CDH12: variants seen among roughly 807,000 people sequenced by gnomAD.
CDH12 encodes cadherin 12.
In CDH12, 41 loss-of-function variants were observed where a neutral mutation model predicts 74.1. The observed-to-expected ratio is 0.55, with a 90% CI of 0.43 to 0.72. CDH12 has a LOEUF of 0.72. Among genes scored for constraint, CDH12 ranks in the 30% least tolerant of loss-of-function variants. The probability of loss-of-function intolerance (pLI) is 0.00; values close to 1 mark genes in which losing one functional copy is unlikely to be tolerated. For synonymous variants in CDH12, 399 were observed against 355.0 expected (o/e 1.12, Z -1.39); for missense variants, 945 against 977.2 (o/e 0.97, Z 0.44).
chr5:21,755,954 C>G (rs1043256196), intron 13 of CDH12, 112 bp from the exon 14 acceptor site: 25 of 999,146 alleles, frequency 2.5e-5, no homozygotes, highest in Non-Finnish European at 3.7e-5. Flanking sequence ...AAAATGGATT[C>G]TTATTTTTTT....
intron 1 of CDH12, among the ~76,000 whole-genome samples, chr5:22,573,943 G>A (rs1376323068): frequency 1.3e-5 from 2 of 152,072 alleles, no homozygotes; most frequent in East Asian, 3.9e-4. Flanking sequence ...CACGCTAAAT[G>A]GTGTTGAACA....
intron 1 of CDH12, among the ~76,000 whole-genome samples, chr5:22,599,141 C>T (rs962652118): frequency 6.6e-6 from 1 of 152,178 alleles, no homozygotes; most frequent in Non-Finnish European, 1.5e-5. Flanking sequence ...GCATATCCTA[C>T]ACCTATATAT....
At chr5:22,841,168 G>A (rs911448145) in intron 1 of CDH12, among the ~76,000 whole-genome samples, 6 of 152,258 alleles carry the variant, frequency 3.9e-5, no homozygotes, top group African/African-American at 9.6e-5. Context: ...ATTTGGATAA[G>A]CAATTACTAC....
chr5:22,100,652 G>GACACACACACACACACAC (rs150777646), intron 4 of CDH12, among the ~76,000 whole-genome samples: 180 of 144,336 alleles, frequency 1.2e-3, no homozygotes, highest in African/African-American at 3.3e-3. Flanking sequence ...CCATACATTA[G>GACACACACACACACACAC]ACACACACAC....
chr5:22,017,660 C>G (rs765433645), intron 5 of CDH12, among the ~76,000 whole-genome samples: 1 of 151,874 alleles, frequency 6.6e-6, no homozygotes, highest in African/African-American at 2.4e-5. Context: ...TGGCATGCAG[C>G]TAGAGAAAGG....
intron 3 of CDH12, among the ~76,000 whole-genome samples, chr5:22,287,285 GC>G (rs1055462220): frequency 6.6e-6 from 1 of 152,004 alleles, no homozygotes; most frequent in African/African-American, 2.4e-5. Context: ...AATAATATTA[GC>G]TTTTATTAAA....
intron 3 of CDH12, among the ~76,000 whole-genome samples, chr5:22,254,033 A>G (rs1438260086): frequency 6.6e-6 from 1 of 151,846 alleles, no homozygotes; most frequent in Admixed American, 6.6e-5. Flanking sequence ...AAGAAATTTG[A>G]GCTGGAAAAT....
At chr5:22,584,178 C>T (rs998146810) in intron 1 of CDH12, among the ~76,000 whole-genome samples, 6 of 152,062 alleles carry the variant, frequency 3.9e-5, no homozygotes, top group African/African-American at 1.4e-4. Flanking sequence ...CTGCTCACTG[C>T]AACCTCCACC....
chr5:22,283,249 T>TACAC (rs1482276211), intron 3 of CDH12, among the ~76,000 whole-genome samples: 1 of 116,170 alleles, frequency 8.6e-6, no homozygotes, highest in African/African-American at 3.5e-5. Context: ...TATATATATA[T>TACAC]ATACACACAC....
intron 1 of CDH12, among the ~76,000 whole-genome samples, chr5:22,649,730 T>C (rs960246784): frequency 1.3e-5 from 2 of 151,966 alleles, no homozygotes; most frequent in African/African-American, 4.8e-5. Flanking sequence ...TAGTATGAGT[T>C]TTCTATAATC....
At chr5:22,358,652 T>C (rs964074560) in intron 3 of CDH12, among the ~76,000 whole-genome samples, 6 of 152,184 alleles carry the variant, frequency 3.9e-5, no homozygotes, top group African/African-American at 1.2e-4. Context: ...TAGAACGTTA[T>C]TGAATTCATC....
intron 8 of CDH12, among the ~76,000 whole-genome samples, chr5:21,831,716 G>A (rs140554516): frequency 2.0e-5 from 3 of 151,800 alleles, no homozygotes; most frequent in African/African-American, 4.8e-5. Context: ...ATTCTCGGGG[G>A]ATTGTCAAAA....
chr5:22,748,718 G>T (rs1043303853), intron 1 of CDH12, among the ~76,000 whole-genome samples: 1 of 152,166 alleles, frequency 6.6e-6, no homozygotes, highest in Non-Finnish European at 1.5e-5. Flanking sequence ...AGACTGTAGC[G>T]ATTGTAATGA....
intron 1 of CDH12, among the ~76,000 whole-genome samples, chr5:22,697,332 G>A (rs1349736986): frequency 1.3e-5 from 2 of 152,070 alleles, no homozygotes; most frequent in Non-Finnish European, 2.9e-5. Context: ...AGCACTTTGG[G>A]AGGCCGAGGC....
intron 4 of CDH12, among the ~76,000 whole-genome samples, chr5:22,198,710 A>T (rs1750759177): frequency 6.6e-6 from 1 of 152,106 alleles, no homozygotes; most frequent in Non-Finnish European, 1.5e-5. Flanking sequence ...AATGCATCTT[A>T]CACTTTCATT....
At chr5:22,422,386 G>T (rs182018856) in intron 2 of CDH12, among the ~76,000 whole-genome samples, 1 of 151,712 alleles carries the variant, frequency 6.6e-6, no homozygotes, top group East Asian at 1.9e-4. Flanking sequence ...ATTATGAATC[G>T]CATTTATTAA....
intron 3 of CDH12, among the ~76,000 whole-genome samples, chr5:22,327,889 C>CA (rs1215151881): frequency 6.6e-6 from 1 of 152,038 alleles, no homozygotes; most frequent in Non-Finnish European, 1.5e-5. Flanking sequence ...AAATAGATTC[C>CA]AAAAATATGC....
At chr5:22,732,635 A>G (rs1156843005) in intron 1 of CDH12, among the ~76,000 whole-genome samples, 1 of 151,856 alleles carries the variant, frequency 6.6e-6, no homozygotes, top group Admixed American at 6.6e-5. Flanking sequence ...CCTATAAATA[A>G]TAATGAATAC....
chr5:22,266,162 G>T (rs554678373), intron 3 of CDH12, among the ~76,000 whole-genome samples: 4 of 151,554 alleles, frequency 2.6e-5, no homozygotes, highest in Non-Finnish European at 5.9e-5. Context: ...TACAACCTCC[G>T]CCTCCCAGGT....
Sources: gnomAD v4.1 joint callset for allele counts (sites outside exome capture counted in the v4.1 genomes callset) on GRCh38, gnomAD v4.1.1 for gene constraint, MANE v1.5 for transcripts, NCBI Gene and HGNC (gene_info 2026-07-23, HGNC 2026-07-21) for gene names.